Variants in GCA observed in about 807,000 individuals in gnomAD.
GCA encodes the protein grancalcin, EF-hand calcium-binding protein.
Under a neutral mutation model 32.6 loss-of-function variants are expected in GCA, and 30 were observed. That is an observed-to-expected ratio of 0.92 (90% CI 0.69 to 1.25). GCA has a LOEUF of 1.25. Among genes scored for constraint, GCA ranks in the 50% most tolerant of loss-of-function variants. The pLI, the probability that GCA is intolerant of heterozygous loss-of-function variation, is 0.00. For missense variants in GCA, 291 were observed against 266.8 expected (o/e 1.09, Z -0.63); for synonymous variants, 102 against 84.6 (o/e 1.21, Z -1.13).
downstream of GCA, among the ~76,000 whole-genome samples, chr2:162,367,172 A>G (rs1685778790): frequency 6.6e-6 from 1 of 151,916 alleles, no homozygotes; most frequent in African/African-American, 2.4e-5. Context: ...TGTCCCAAGA[A>G]TAAATGGAGA....
At chr2:162,333,187 A>G (rs1231053524) in intron 1 of GCA, among the ~76,000 whole-genome samples, 2 of 152,060 alleles carry the variant, frequency 1.3e-5, no homozygotes, top group Non-Finnish European at 2.9e-5. Flanking sequence ...GAACCTGTAT[A>G]CCATTTTGTT....
downstream of GCA, among the ~76,000 whole-genome samples, chr2:162,365,493 T>G (rs1685724372): frequency 6.6e-6 from 1 of 151,634 alleles, no homozygotes; most frequent in Non-Finnish European, 1.5e-5. Context: ...CATGCTACAT[T>G]ATGTGCATAA....
At chr2:162,343,601 T>C (rs114796625), upstream of GCA, among the ~76,000 whole-genome samples, 287 of 152,328 alleles carry the variant, frequency 1.9e-3, no homozygotes, top group African/African-American at 6.4e-3. Context: ...TCGTCCAATG[T>C]GGCCTCAAGT....
intron 1 of GCA, among the ~76,000 whole-genome samples, chr2:162,324,199 A>T (rs1683791516): frequency 6.6e-6 from 1 of 152,186 alleles, no homozygotes; most frequent in Non-Finnish European, 1.5e-5. Flanking sequence ...TAACAAGCTC[A>T]GTTAGACCCT....
At position 162,359,907 on chromosome 2, in the gene GCA, G is replaced by A. The variant is rs553177687; in HGVS notation, c.628-310G>A. 4.6e-5 allele frequency among the ~76,000 whole-genome samples: 7 copies of A among 151,082 alleles called. No individual in the cohort carries two copies. In the East Asian group the frequency reaches 7.8e-4, roughly 17 times the overall value. On this transcript the variant is annotated intron_variant, in intron 7 of 7. Transcript: ENST00000437150. ...GGAGGGAAAAATTTTAATCCGTGAC[G>A]GATTATGAAGCTGTTCATTTCTCAT...
intron 6 of GCA, 51 bp downstream of exon 6, chr2:162,359,208 G>A (rs780389964): frequency 1.0e-6 from 1 of 978,290 alleles, no homozygotes; most frequent in African/African-American, 1.6e-5. Context: ...TATTTTTCTT[G>A]AATAATGTGT....
At position 162,360,314 on chromosome 2, in the gene GCA, T is replaced by G; in HGVS notation, c.*71T>G. On this transcript the variant is annotated 3_prime_UTR_variant, in exon 8 of 8. Transcript: ENST00000437150. ...TTGGAAGAAGTGAACTGGACTACTT[T>G]AAAACTTTTAAGGGTTTTCTATGTT... The G allele has an allele frequency of 6.5e-7, 1 of 1,543,972 alleles. No homozygotes were observed. Among genetic ancestry groups the G allele is most frequent in the East Asian group, 2.4e-5 (1 of 41,908 alleles).
intron 1 of GCA, among the ~76,000 whole-genome samples, chr2:162,346,078 G>A (rs941769414): frequency 6.6e-6 from 1 of 151,578 alleles, no homozygotes; most frequent in Admixed American, 6.6e-5. Flanking sequence ...AATTGTATAC[G>A]AATAAAAATT....
chr2:162,359,152 T>TG lies in GCA; in HGVS notation c.564dup (p.Thr189AspfsTer5), dbSNP rs766700798. Reference sequence around the variant, plus strand: ...GCTTGCTGTGTGAAGCTTCGAGCATTGACAGGTATTGACTATTTAAAACTA... The same window carrying TG: ...GCTTGCTGTGTGAAGCTTCGAGCATTGGACAGGTATTGACTATTTAAAACTA... On this transcript the variant is annotated frameshift_variant, in exon 6 of 8. Transcript: ENST00000437150. LOFTEE classifies it high-confidence loss of function. 36 of 1,551,488 alleles carry TG rather than the reference T, an allele frequency of 2.3e-5. No homozygotes were observed. Among genetic ancestry groups the TG allele is most frequent in the Non-Finnish European group, 3.2e-5 (36 of 1,124,902 alleles).
chr2:162,324,509 T>A (rs2105257171), intron 1 of GCA, among the ~76,000 whole-genome samples: 1 of 152,284 alleles, frequency 6.6e-6, no homozygotes, highest in Non-Finnish European at 1.5e-5. Context: ...TTCAGCCTCC[T>A]ATGTGTTTTT....
chr2:162,357,040 G>A, intron 5 of GCA, 135 bp downstream of exon 5: 1 of 575,676 alleles, frequency 1.7e-6, no homozygotes, highest in Non-Finnish European at 3.0e-6. Flanking sequence ...TTGTTTTCAA[G>A]GTTGTAGGTA....
intron 1 of GCA, among the ~76,000 whole-genome samples, chr2:162,319,783 T>A (rs1238558472): frequency 2.0e-5 from 3 of 152,236 alleles, no homozygotes; most frequent in African/African-American, 7.2e-5. Flanking sequence ...GATGGAGAGA[T>A]CATTTAGGTT....
At chr2:162,371,290 G>T in intron 4 of GCA, 1 of 1,268,186 alleles carries the variant, frequency 7.9e-7, no homozygotes, top group Non-Finnish European at 1.0e-6. Flanking sequence ...CTCAAACTTT[G>T]TATTTTTTCT....
intron 1 of GCA, among the ~76,000 whole-genome samples, chr2:162,338,960 G>T (rs1684358647): frequency 6.6e-6 from 1 of 152,144 alleles, no homozygotes; most frequent in South Asian, 2.1e-4. Flanking sequence ...ATGCTAAAAT[G>T]CACTATTATT....
At chr2:162,343,944 C>A (rs978674186), upstream of GCA, 1 of 395,932 alleles carries the variant, frequency 2.5e-6, no homozygotes. Flanking sequence ...CAGTAAGAGT[C>A]GAGCAGGGAC....
At chr2:162,329,546 GA>G (rs1424213626) in intron 1 of GCA, among the ~76,000 whole-genome samples, 1 of 151,488 alleles carries the variant, frequency 6.6e-6, no homozygotes, top group Admixed American at 6.6e-5. Flanking sequence ...TGTATTTTAT[GA>G]TAAATTATTA....
intron 1 of GCA, among the ~76,000 whole-genome samples, chr2:162,331,221 C>A (rs914208499): frequency 2.9e-4 from 44 of 152,184 alleles, no homozygotes; most frequent in African/African-American, 9.9e-4. Context: ...GAAGGCAGAG[C>A]ACTGCCTTGT....
chr2:162,349,795 A>G (rs1361390341), intron 2 of GCA, among the ~76,000 whole-genome samples: 1 of 152,214 alleles, frequency 6.6e-6, no homozygotes, highest in Non-Finnish European at 1.5e-5. Flanking sequence ...CTAATACCAT[A>G]CTAATGGGCA....
chr2:162,360,914 T>A lies in GCA; in HGVS notation c.*671T>A. 8.7e-7 allele frequency: 1 copy of A among 1,152,054 alleles called. No individual in the cohort carries two copies. Among genetic ancestry groups the A allele is most frequent in the East Asian group, 3.6e-5 (1 of 28,124 alleles). The allele number at this position is 1,152,054 out of a possible 1,614,324, so 71.4% of individuals were successfully genotyped here. A position where few individuals can be genotyped will look rare whatever the true frequency, so the allele number is the denominator to read the frequency against. ...TCTTCTCTAAGCAAAAAGTTCTTAA[T>A]AAACATAGTATTTCTCTCTGCGTCC... On this transcript the variant is annotated 3_prime_UTR_variant, in exon 8 of 8. Coordinates refer to ENST00000437150, the MANE Select transcript of GCA (RefSeq NM_012198.5).
Sources: gnomAD v4.1 joint callset for allele counts (sites outside exome capture counted in the v4.1 genomes callset) on GRCh38, gnomAD v4.1.1 for gene constraint, MANE v1.5 for transcripts, NCBI Gene and HGNC (gene_info 2026-07-23, HGNC 2026-07-21) for gene names.